Variants in ZFAND4 observed in about 807,000 individuals in gnomAD.
The protein encoded by ZFAND4 is zinc finger AN1-type containing 4.
ZFAND4 carries 43 observed loss-of-function variants against 64.4 expected under a neutral mutation model. That is an observed-to-expected ratio of 0.67 (90% CI 0.52 to 0.86). The LOEUF (loss-of-function observed/expected upper bound fraction) is 0.86. ZFAND4 is among the 40% of genes least tolerant of loss of function. The pLI, the probability that ZFAND4 is intolerant of heterozygous loss-of-function variation, is 0.00. For missense variants in ZFAND4, 929 were observed against 859.8 expected (o/e 1.08, Z -1.01); for synonymous variants, 296 against 305.7 (o/e 0.97, Z 0.33).
chr10:45,667,980 T>C (rs542553295), intron 1 of ZFAND4, among the ~76,000 whole-genome samples: 3 of 152,348 alleles, frequency 2.0e-5, no homozygotes, highest in African/African-American at 7.2e-5. Flanking sequence ...GTTTTCTTTT[T>C]AATCATGAAG....
intron 2 of ZFAND4, among the ~76,000 whole-genome samples, chr10:45,658,443 T>A (rs2048272036): frequency 6.6e-6 from 1 of 152,228 alleles, no homozygotes. Context: ...TAACTTTCTG[T>A]TAAGTCACCC....
In ZFAND4 at chr10:45,639,842, T is replaced by A. The variant is rs764282726; in HGVS notation, c.691A>T (p.Met231Leu). The A allele has an allele frequency of 1.9e-5, 30 of 1,612,134 alleles. No individual in the cohort carries two copies. In the East Asian group the frequency reaches 6.7e-4, roughly 36 times the overall value. Residue 231 changes from methionine to leucine, a missense_variant, in exon 6 of 10, where the codon ATG becomes TTG. Met to Leu is a conservative substitution (Grantham distance 15). Coordinates refer to ENST00000344646, the MANE Select transcript of ZFAND4 (RefSeq NM_174890.4). Reference protein sequence around the residue: ...MNKMKLLKAKMKNMNLSKKPK... With the variant: ...MNKMKLLKAKLKNMNLSKKPK... ...TTTTTGCTGAGATTCATGTTCTTCA[T>A]CTTAGCCTTCAGCAGCTTCATCTTA...
chr10:45,657,933 G>A (rs1004424541), intron 2 of ZFAND4, among the ~76,000 whole-genome samples: 1 of 152,214 alleles, frequency 6.6e-6, no homozygotes, highest in African/African-American at 2.4e-5. Context: ...GCTTGGAATA[G>A]AGGAAGGGAT....
rs2046868673 is a variant in ZFAND4 at position 45,639,876 on chromosome 10, T to C, written c.657A>G (p.Ile219Met). ...TCAGCAGCTTCATCTTATTCATAGT[T>C]ATTGAATTTTCAATTATCTGTTGCC... ...SSGQQIIENS[I>M]TMNKMKLLKA... Residue 219 changes from isoleucine (I) to methionine (M), a missense_variant, in exon 6 of 10, where the codon ATA (isoleucine) becomes ATG (methionine). Ile to Met is a conservative substitution (Grantham distance 10, BLOSUM62 1). Coordinates refer to ENST00000344646, the MANE Select transcript of ZFAND4 (RefSeq NM_174890.4). 1 of 1,613,528 alleles carries C rather than the reference T, an allele frequency of 6.2e-7. No homozygotes were observed. Among genetic ancestry groups the C allele is most frequent in the African/African-American group, 1.3e-5 (1 of 74,908 alleles).
chr10:45,656,501 C>CAAAAAAAAAAA (rs541781976), intron 2 of ZFAND4, among the ~76,000 whole-genome samples: 4 of 24,692 alleles, frequency 1.6e-4, no homozygotes, highest in Admixed American at 9.1e-4. Context: ...GAACCTGTCT[C>CAAAAAAAAAAA]AAAAAAAAAA....
chr10:45,664,274 C>CT (rs748024984), intron 1 of ZFAND4, among the ~76,000 whole-genome samples: 6,563 of 141,804 alleles, frequency 0.046, 172 homozygotes, highest in African/African-American at 0.072. Flanking sequence ...GTACATTTGA[C>CT]TTTTTTTTTT....
intron 6 of ZFAND4, among the ~76,000 whole-genome samples, chr10:45,635,219 A>AAAAAAAAAAAAAAAAAAAAAAAAAAAAAT (rs2046503943): frequency 7.2e-6 from 1 of 138,952 alleles, no homozygotes; most frequent in African/African-American, 2.6e-5. Flanking sequence ...AAAAACAAAA[A>AAAAAAAAAAAAAAAAAAAAAAAAAAAAAT]AAAAACAAAC....
At chr10:45,627,137 C>T in intron 6 of ZFAND4, 32 bp from the exon 7 acceptor site, 9 of 1,494,876 alleles carry the variant, frequency 6.0e-6, no homozygotes, top group Non-Finnish European at 6.2e-6. Context: ...TTTCTTTACA[C>T]AGTCGTTTTC....
chr10:45,656,120 A>G (rs2048079946), intron 2 of ZFAND4, among the ~76,000 whole-genome samples: 1 of 152,184 alleles, frequency 6.6e-6, no homozygotes, highest in Admixed American at 6.5e-5. Flanking sequence ...AGCCCCAGCT[A>G]CTTGGGAGGC....
At chr10:45,661,247 T>C (rs2133843944) in intron 2 of ZFAND4, among the ~76,000 whole-genome samples, 1 of 152,250 alleles carries the variant, frequency 6.6e-6, no homozygotes, top group Middle Eastern at 3.4e-3. Context: ...TACAGAGAGA[T>C]TAAGTAATTT....
At chr10:45,653,110 C>T in intron 2 of ZFAND4, 51 bp from the exon 3 acceptor site, 5 of 1,309,760 alleles carry the variant, frequency 3.8e-6, no homozygotes, top group South Asian at 1.2e-5. Context: ...ATAGCATCTC[C>T]AAAAGAGTAT....
Position 45,615,994 on chromosome 10 carries a change from A to C in ZFAND4, c.*442T>G, listed in dbSNP as rs1307319497. ...TCTCCACCCATCCCACCTCTGAAAA[A>C]AAAAGAAGGAGAAGAATAAAAGAAA... On this transcript the variant is annotated 3_prime_UTR_variant, in exon 10 of 10. Coordinates refer to ENST00000344646, the MANE Select transcript of ZFAND4 (RefSeq NM_174890.4). The C allele has an allele frequency of 6.5e-6, 1 of 152,796 alleles. No homozygotes were observed. Among genetic ancestry groups the C allele is most frequent in the Non-Finnish European group, 1.5e-5 (1 of 68,184 alleles). 9.5% of individuals were successfully genotyped at this position (152,796 alleles called of 1,614,324 possible).
At chr10:45,655,722 A>ATAG (rs2048050859) in intron 2 of ZFAND4, among the ~76,000 whole-genome samples, 1 of 152,246 alleles carries the variant, frequency 6.6e-6, no homozygotes, top group Non-Finnish European at 1.5e-5. Flanking sequence ...ATTCAAGATT[A>ATAG]CTATAAATAC....
At chr10:45,651,029 T>C (rs2047723662) in intron 4 of ZFAND4, 1 of 152,180 alleles carries the variant, frequency 6.6e-6, no homozygotes, top group Non-Finnish European at 1.5e-5. Flanking sequence ...ACCAAAATTA[T>C]TAAACATAGG....
At chr10:45,624,076 T>C (rs552358693) in intron 8 of ZFAND4, among the ~76,000 whole-genome samples, 23 of 152,332 alleles carry the variant, frequency 1.5e-4, no homozygotes, top group African/African-American at 5.5e-4. Flanking sequence ...TGTGTTACCA[T>C]ACTGGTAGAA....
At chr10:45,662,444 A>T (rs10900232) in intron 2 of ZFAND4, 65,385 of 266,084 alleles carry the variant, frequency 0.25, 8,708 homozygotes, top group Admixed American at 0.3. Context: ...AAATTCATGA[A>T]AGAGATAAAA....
Position 45,648,517 on chromosome 10 carries a change from G to A in ZFAND4, c.346C>T (p.Leu116Phe), listed in dbSNP as rs2047545166. The change falls in exon 5 of 10, where the codon CTT becomes TTT. Residue 116 changes from leucine to phenylalanine, a missense_variant. By Grantham distance (22) the Leu-to-Phe change is conservative. Coordinates refer to ENST00000344646, the MANE Select transcript of ZFAND4 (RefSeq NM_174890.4). ...NTRRVPTDDP[L>F]RKMAEYLDSS... is the part of the protein sequence containing the mutation. ...TCCAAGTACTCTGCCATCTTCCTAA[G>A]TGGATCGTCTGTAGGAACTACAAAT... 1 of 1,607,502 alleles carries A rather than the reference G, an allele frequency of 6.2e-7. No homozygotes were observed. Among genetic ancestry groups the A allele is most frequent in the Non-Finnish European group, 8.5e-7 (1 of 1,177,614 alleles).
At chr10:45,645,765 G>C (rs539630721) in intron 5 of ZFAND4, among the ~76,000 whole-genome samples, 3 of 152,080 alleles carry the variant, frequency 2.0e-5, no homozygotes, top group Non-Finnish European at 4.4e-5. Flanking sequence ...ATATTTCCGA[G>C]CTCAAATTAT....
chr10:45,636,938 A>G (rs2046635773), intron 6 of ZFAND4, among the ~76,000 whole-genome samples: 1 of 152,108 alleles, frequency 6.6e-6, no homozygotes, highest in Non-Finnish European at 1.5e-5. Flanking sequence ...TTAAGTGCAT[A>G]AACATTTAGG....
Sources: allele counts gnomAD v4.1 joint callset (sites outside exome capture counted in the v4.1 genomes callset), GRCh38; gene constraint gnomAD v4.1.1; transcripts MANE v1.5; gene names NCBI Gene and HGNC (gene_info 2026-07-23, HGNC 2026-07-21).